Variants in POMT2 observed in about 807,000 individuals in gnomAD.
POMT2 encodes protein O-mannosyltransferase 2, also known as protein O-mannosyl-transferase 2.
POMT2 carries 75 observed loss-of-function variants against 100.0 expected under a neutral mutation model. That is an observed-to-expected ratio of 0.75 (90% CI 0.62 to 0.91). POMT2 has a LOEUF of 0.91. Among genes scored for constraint, POMT2 ranks in the 40% least tolerant of loss-of-function variants. The pLI is 0.00. For synonymous variants in POMT2, 378 were observed against 374.1 expected (o/e 1.01, Z -0.12); for missense variants, 940 against 955.1 (o/e 0.98, Z 0.21).
intron 19 of POMT2, 78 bp downstream of exon 19, chr14:77,278,651 T>C (rs1890077487): frequency 6.3e-7 from 1 of 1,579,836 alleles, no homozygotes; most frequent in South Asian, 1.1e-5. Context: ...AGGAGCAGAG[T>C]CACTCCCAGC....
In POMT2 at chr14:77,306,620, T is replaced by C. The variant is rs3213771; in HGVS notation, c.334-179A>G. The C allele has an allele frequency of 5.9e-3, 3,744 of 632,168 alleles. 123 individuals carry two copies. In the Admixed American group the frequency reaches 0.063, roughly 11 times the overall value. 39.2% of individuals were successfully genotyped at this position (632,168 alleles called of 1,614,324 possible). On this transcript the variant is annotated intron_variant, in intron 2 of 20. Transcript: ENST00000261534. ...GCCACAGAGCAAAGAATCTTTTGTC[T>C]ACAGAGCTCACTGCTTGAAACAAAT...
intron 18 of POMT2, 110 bp downstream of exon 18, chr14:77,279,713 T>G: frequency 9.5e-7 from 1 of 1,049,572 alleles, no homozygotes; most frequent in Non-Finnish European, 1.4e-6. Flanking sequence ...AGGGAAGGTG[T>G]GGGGTGGTAA....
At chr14:77,284,925 C>A in intron 14 of POMT2, 25 bp downstream of exon 14, 1 of 1,560,512 alleles carries the variant, frequency 6.4e-7, no homozygotes, top group Non-Finnish European at 8.8e-7. Context: ...CCTCCAGAGC[C>A]AGCCCAGAAA....
intron 10 of POMT2, 33 bp from the exon 11 acceptor site, chr14:77,288,864 A>C: frequency 6.3e-7 from 1 of 1,585,146 alleles, no homozygotes; most frequent in Non-Finnish European, 8.7e-7. Flanking sequence ...GATATCCAAA[A>C]TCACTCACCA....
chr14:77,298,554 AG>A, intron 8 of POMT2, 134 bp downstream of exon 8: 1 of 902,638 alleles, frequency 1.1e-6, no homozygotes, highest in Admixed American at 2.0e-5. Flanking sequence ...TATTTTCACC[AG>A]ATCTATCTGG....
At chr14:77,290,854 G>A (rs919395851) in intron 10 of POMT2, among the ~76,000 whole-genome samples, 6 of 152,180 alleles carry the variant, frequency 3.9e-5, no homozygotes, top group African/African-American at 1.4e-4. Context: ...TCAACTGACT[G>A]ACTCAGGCCA....
At chr14:77,315,961 A>C (rs1453503911) in intron 1 of POMT2, among the ~76,000 whole-genome samples, 1 of 152,224 alleles carries the variant, frequency 6.6e-6, no homozygotes, top group Non-Finnish European at 1.5e-5. Context: ...CAGTGAGCTG[A>C]AATTGCGCCA....
At chr14:77,283,908 C>T (rs1566646497) in intron 14 of POMT2, 35 bp from the exon 15 acceptor site, 7 of 1,526,606 alleles carry the variant, frequency 4.6e-6, no homozygotes, top group Non-Finnish European at 4.5e-6. Flanking sequence ...AAGCCTTTGT[C>T]ATACATTCTT....
At chr14:77,307,505 T>C (rs1891265798) in intron 2 of POMT2, among the ~76,000 whole-genome samples, 1 of 152,210 alleles carries the variant, frequency 6.6e-6, no homozygotes, top group Non-Finnish European at 1.5e-5. Flanking sequence ...TCCAAATAGC[T>C]AGATGAACTA....
At chr14:77,281,954 G>T (rs896392780) in intron 15 of POMT2, among the ~76,000 whole-genome samples, 37 of 152,320 alleles carry the variant, frequency 2.4e-4, no homozygotes, top group African/African-American at 8.7e-4. Context: ...GCTGGGAATA[G>T]TTTACAGGCC....
intron 14 of POMT2, chr14:77,284,325 T>C (rs1250008526): frequency 4.3e-6 from 1 of 234,470 alleles, no homozygotes; most frequent in African/African-American, 2.3e-5. Flanking sequence ...CAGGGCCCCA[T>C]GTGGTTCCTG....
chr14:77,288,716 C>T lies in POMT2; in HGVS notation c.1253+46G>A, dbSNP rs752729367. 7 of 1,529,402 alleles carry T rather than the reference C, an allele frequency of 4.6e-6. No homozygotes were observed. In the East Asian group the frequency reaches 1.6e-4, roughly 34 times the overall value. The allele number at this position is 1,529,402 out of a possible 1,614,324, so 94.7% of individuals were successfully genotyped here. A position where few individuals can be genotyped will look rare whatever the true frequency, so the allele number is the denominator to read the frequency against. ...TTACTTCTTAAAATAACTCCCTCCC[C>T]TTGGTGCCCGTACCATTTATTTATC... On this transcript the variant is annotated intron_variant, in intron 11 of 20. Coordinates refer to ENST00000261534, the MANE Select transcript of POMT2 (RefSeq NM_013382.7).
intron 14 of POMT2, chr14:77,284,157 A>C (rs1009695689): frequency 6.8e-6 from 3 of 442,054 alleles, no homozygotes; most frequent in African/African-American, 4.0e-5. Flanking sequence ...GTACTGGCTC[A>C]AATGCTGCTC....
intron 7 of POMT2, 49 bp downstream of exon 7, chr14:77,299,406 G>T (rs750408763): frequency 2.0e-6 from 3 of 1,536,272 alleles, no homozygotes; most frequent in South Asian, 2.2e-5. Flanking sequence ...ACAGGCTTAG[G>T]AGCAAAAGGA....
chr14:77,311,818 A>C (rs1460860028), intron 2 of POMT2, 131 bp downstream of exon 2: 2 of 1,432,552 alleles, frequency 1.4e-6, no homozygotes, highest in African/African-American at 2.9e-5. Flanking sequence ...AGCTGGTCTG[A>C]AATGTCAGAA....
intron 14 of POMT2, 108 bp downstream of exon 14, chr14:77,284,842 G>T: frequency 2.1e-6 from 2 of 945,456 alleles, no homozygotes; most frequent in Non-Finnish European, 3.4e-6. Context: ...GGAACAAACA[G>T]CAGCAAGTTG....
chr14:77,303,057 C>T, intron 4 of POMT2, 114 bp from the exon 5 acceptor site: 1 of 804,770 alleles, frequency 1.2e-6, no homozygotes, highest in South Asian at 1.5e-5. Flanking sequence ...AGTGTAAGCA[C>T]TTGTGCAGTC....
intron 10 of POMT2, among the ~76,000 whole-genome samples, chr14:77,289,542 G>A (rs917821473): frequency 1.3e-5 from 2 of 152,128 alleles, no homozygotes; most frequent in Non-Finnish European, 2.9e-5. Flanking sequence ...GCCTTTACCC[G>A]ATGAGGCACT....
chr14:77,305,291 G>A (rs1358627914), intron 3 of POMT2, among the ~76,000 whole-genome samples: 1 of 152,166 alleles, frequency 6.6e-6, no homozygotes, highest in East Asian at 1.9e-4. Context: ...CACAATGTAT[G>A]TATTTTGATT....
Sources: gnomAD v4.1 joint callset for allele counts (sites outside exome capture counted in the v4.1 genomes callset) on GRCh38, gnomAD v4.1.1 for gene constraint, MANE v1.5 for transcripts, NCBI Gene and HGNC (gene_info 2026-07-23, HGNC 2026-07-21) for gene names.